Variants in PCDH15 observed in about 807,000 individuals in gnomAD.
The protein encoded by PCDH15 is protocadherin related 15, also known as protocadherin-15.
A neutral mutation model predicts 178.5 loss-of-function variants in PCDH15; 129 were observed. The observed-to-expected ratio is 0.72, with a 90% CI of 0.63 to 0.84. The LOEUF (loss-of-function observed/expected upper bound fraction) is 0.84. PCDH15 is among the 40% of genes least tolerant of loss of function. The pLI is 0.00. For synonymous variants in PCDH15, 800 were observed against 732.0 expected (o/e 1.09, Z -1.50); for missense variants, 2,230 against 2,099.9 (o/e 1.06, Z -1.21).
intron 2 of PCDH15, among the ~76,000 whole-genome samples, chr10:55,450,862 G>GA (rs1839419328): frequency 6.6e-6 from 1 of 150,566 alleles, no homozygotes; most frequent in Admixed American, 6.7e-5. Context: ...CTAATCCTCT[G>GA]ACACACAAAT....
rs913464831 is a variant in PCDH15, at chr10:54,955,019, A to G, written c.-79-57519T>C. ...AAAAACCATACAAATTCTTGGTTTC[A>G]GGTCATTTTTTAATTGTGATAAAGT... On this transcript the variant is annotated intron_variant, in intron 2 of 5. Coordinates refer to the PCDH15 transcript ENST00000458638. 2.6e-5 allele frequency among the ~76,000 whole-genome samples: 4 copies of G among 151,260 alleles called. No individual in the cohort carries two copies. The East Asian group carries it at 7.7e-4, about 29-fold the overall frequency.
In PCDH15 at chr10:55,004,113, G is replaced by T. The variant is rs138838136; in HGVS notation, c.-79-106613C>A. On this transcript the variant is annotated intron_variant, in intron 2 of 5. Transcript: ENST00000458638. ...GGACTGAAGTTTATTTTGCAGGTAG[G>T]TTTATCCAGCTGTGATTTGTCTTTG... 5.8e-3 allele frequency among the ~76,000 whole-genome samples: 878 copies of T among 152,264 alleles called. 15 individuals are homozygous for T. The highest frequency in any genetic ancestry group is 0.02 in the African/African-American group (842 of 41,552).
chr10:55,566,596 A>C (rs1842307240), intron 2 of PCDH15, among the ~76,000 whole-genome samples: 1 of 151,832 alleles, frequency 6.6e-6, no homozygotes, highest in Non-Finnish European at 1.5e-5. Context: ...TAGAACCAAT[A>C]AATTAAGTCA....
intron 1 of PCDH15, among the ~76,000 whole-genome samples, chr10:55,174,803 G>A (rs1839432501): frequency 6.6e-6 from 1 of 152,084 alleles, no homozygotes; most frequent in Admixed American, 6.6e-5. Context: ...CCTCACTCAT[G>A]CCCCTATAAG....
intron 21 of PCDH15, among the ~76,000 whole-genome samples, chr10:53,980,717 A>T (rs2090566602): frequency 6.6e-6 from 1 of 152,214 alleles, no homozygotes; most frequent in South Asian, 2.1e-4. Flanking sequence ...AGGTTAATTA[A>T]CTGCTGTACA....
chr10:54,008,244 A>C (rs1159246217), intron 20 of PCDH15, among the ~76,000 whole-genome samples: 1 of 152,220 alleles, frequency 6.6e-6, no homozygotes. Flanking sequence ...ATGACTTTGC[A>C]TGAGTCAGGA....
intron 32 of PCDH15, chr10:53,821,622 A>G: frequency 8.0e-7 from 1 of 1,252,954 alleles, no homozygotes; most frequent in Non-Finnish European, 1.0e-6. Context: ...CTTTTCAAAT[A>G]AATGTAGAAC....
At chr10:54,652,593 T>C (rs140731314) in intron 2 of PCDH15, among the ~76,000 whole-genome samples, 1 of 152,270 alleles carries the variant, frequency 6.6e-6, no homozygotes, top group Admixed American at 6.5e-5. Flanking sequence ...TTTGAAGAGA[T>C]AATTAAGTTA....
chr10:54,759,203 A>G (rs1947550513), intron 1 of PCDH15, among the ~76,000 whole-genome samples: 1 of 152,180 alleles, frequency 6.6e-6, no homozygotes, highest in Non-Finnish European at 1.5e-5. Context: ...AAAGAATGTG[A>G]CATGATATTT....
chr10:55,216,017 G>A (rs1392756547), intron 1 of PCDH15, among the ~76,000 whole-genome samples: 1 of 151,802 alleles, frequency 6.6e-6, no homozygotes, highest in African/African-American at 2.4e-5. Context: ...CCATTTGCAG[G>A]TCTGTTACTT....
intron 25 of PCDH15, among the ~76,000 whole-genome samples, chr10:53,930,862 A>G (rs2085000992): frequency 6.6e-6 from 1 of 152,142 alleles, no homozygotes; most frequent in African/African-American, 2.4e-5. Flanking sequence ...CCTTGGCAAT[A>G]CTTGTTTTCT....
chr10:54,086,275 G>C (rs2136013183), intron 16 of PCDH15, among the ~76,000 whole-genome samples: 1 of 152,182 alleles, frequency 6.6e-6, no homozygotes, highest in Non-Finnish European at 1.5e-5. Context: ...GGTGGTGCCA[G>C]GCTCCTTTTT....
chr10:55,407,462 T>C (rs1838226202), intron 2 of PCDH15, among the ~76,000 whole-genome samples: 1 of 152,154 alleles, frequency 6.6e-6, no homozygotes, highest in Non-Finnish European at 1.5e-5. Flanking sequence ...CTTCACAAGA[T>C]GAGAATTGCT....
At chr10:55,210,618 C>T (rs139953111) in intron 1 of PCDH15, among the ~76,000 whole-genome samples, 231 of 40,298 alleles carry the variant, frequency 5.7e-3, no homozygotes, top group South Asian at 8.8e-3. Flanking sequence ...TTTTTCTTTT[C>T]TTTTTTTTTT....
intron 8 of PCDH15, among the ~76,000 whole-genome samples, chr10:54,292,810 A>G (rs1311826873): frequency 1.3e-5 from 2 of 152,208 alleles, no homozygotes; most frequent in Admixed American, 1.3e-4. Context: ...GCTCAATGAT[A>G]TAAAAGACAC....
intron 2 of PCDH15, among the ~76,000 whole-genome samples, chr10:55,145,056 G>A (rs1428719336): frequency 6.6e-6 from 1 of 151,998 alleles, no homozygotes; most frequent in Non-Finnish European, 1.5e-5. Context: ...TTTTGTGGAA[G>A]TCTGGAAAAA....
At chr10:55,314,165 A>T (rs994130020) in intron 1 of PCDH15, among the ~76,000 whole-genome samples, 4 of 146,604 alleles carry the variant, frequency 2.7e-5, no homozygotes, top group Non-Finnish European at 6.0e-5. Flanking sequence ...TATATAATAA[A>T]TTATAATTAT....
intron 1 of PCDH15, among the ~76,000 whole-genome samples, chr10:55,295,973 C>T (rs1843121477): frequency 6.6e-6 from 1 of 152,148 alleles, no homozygotes; most frequent in African/African-American, 2.4e-5. Context: ...CTCTAACCAC[C>T]TGTAAATTAG....
At chr10:55,514,489 T>G (rs1365077154) in intron 2 of PCDH15, among the ~76,000 whole-genome samples, 2 of 152,272 alleles carry the variant, frequency 1.3e-5, no homozygotes, top group East Asian at 3.9e-4. Context: ...GCCTTTAGAA[T>G]GAAAATCTAA....
Sources: allele counts gnomAD v4.1 joint callset (sites outside exome capture counted in the v4.1 genomes callset), GRCh38; gene constraint gnomAD v4.1.1; transcripts MANE v1.5; gene names NCBI Gene and HGNC (gene_info 2026-07-23, HGNC 2026-07-21).